The following NPC1 variants were observed in gnomAD, a reference collection of about 807,000 sequenced individuals.
NPC1 encodes the protein Niemann-Pick C1 protein.
Under a neutral mutation model 140.4 loss-of-function variants are expected in NPC1, and 85 were observed. That is an observed-to-expected ratio of 0.61 (90% confidence interval 0.51 to 0.72). The LOEUF is 0.72. NPC1 is among the 30% of genes least tolerant of loss of function. NPC1 has a pLI of 0.00. For synonymous variants in NPC1, 656 were observed against 624.8 expected, an observed-to-expected ratio of 1.05 and a Z score of -0.74; for missense variants, 1,504 against 1,623.8, an observed-to-expected ratio of 0.93 and a Z score of 1.27.
chr18:23,577,424 G>C (rs531392485), intron 1 of NPC1, among the ~76,000 whole-genome samples: 126 of 150,762 alleles, frequency 8.4e-4, no homozygotes, highest in Middle Eastern at 3.4e-3. Flanking sequence ...GTCCTCACCA[G>C]AGCAGCTAGA....
chr18:23,583,473 T>C (rs1371054966), intron 1 of NPC1, among the ~76,000 whole-genome samples: 1 of 152,068 alleles, frequency 6.6e-6, no homozygotes, highest in Non-Finnish European at 1.5e-5. Context: ...TAATGTAGCA[T>C]GTGAAATGGG....
intron 1 of NPC1, among the ~76,000 whole-genome samples, chr18:23,578,376 C>T (rs2059317475): frequency 6.6e-6 from 1 of 152,214 alleles, no homozygotes; most frequent in African/African-American, 2.4e-5. Context: ...AGAGAATCAG[C>T]TGCATCATGA....
chr18:23,557,007 C>T, intron 7 of NPC1, 110 bp downstream of exon 7: 3 of 916,366 alleles, frequency 3.3e-6, no homozygotes, highest in East Asian at 2.6e-5. Context: ...GCCGTGTCCT[C>T]GGCACTGGCA....
chr18:23,513,305 C>T (rs2057913190), intron 3 of NPC1, among the ~76,000 whole-genome samples: 1 of 152,202 alleles, frequency 6.6e-6, no homozygotes. Context: ...CAGTATTTGT[C>T]CCTTTGTGAC....
chr18:23,517,917 C>G (rs909651676), downstream of NPC1, among the ~76,000 whole-genome samples: 2 of 152,068 alleles, frequency 1.3e-5, no homozygotes, highest in Non-Finnish European at 2.9e-5. Context: ...GGAGTTTCAC[C>G]ATGTTGCCCA....
chr18:23,546,126 G>A (rs1471239796), intron 11 of NPC1, among the ~76,000 whole-genome samples: 1 of 151,798 alleles, frequency 6.6e-6, no homozygotes, highest in African/African-American at 2.4e-5. Flanking sequence ...GAAGGTGCCT[G>A]TAATCCCAGC....
At chr18:23,568,683 G>A in intron 4 of NPC1, 140 bp downstream of exon 4, 2 of 712,712 alleles carry the variant, frequency 2.8e-6, no homozygotes, top group Non-Finnish European at 4.9e-6. Context: ...TAGGATACAA[G>A]CAAAGCAACA....
Position 23,546,974 on chromosome 18 carries a change from TTTC to T in NPC1, c.1757+1029_1757+1031del, listed in dbSNP as rs1353711048. On this transcript the variant is annotated intron_variant, in intron 11 of 24. Transcript: ENST00000269228. ...AAAGCTACTGAATTGTACGCTTTTT[TTTC>T]TTTTTAAATTCTCTTTTTTCTTTTT... Among the ~76,000 whole-genome samples the T allele has an allele frequency of 9.2e-5, 14 of 152,320 alleles. No individual in the cohort carries two copies. The South Asian group carries it at 1.9e-3, about 20-fold the overall frequency.
At chr18:23,582,503 A>T (rs2059368080) in intron 1 of NPC1, among the ~76,000 whole-genome samples, 1 of 152,154 alleles carries the variant, frequency 6.6e-6, no homozygotes, top group South Asian at 2.1e-4. Flanking sequence ...ATATCTTATG[A>T]TCAAAGAATC....
rs192733738 is a variant in NPC1 at position 23,513,102 on chromosome 18, C to T, written c.432-6460G>A. On this transcript the variant is annotated intron_variant, in intron 3 of 3. Transcript: ENST00000591107. ...CTGAATAGCTGGGATTACAGGTGTG[C>T]GCCACCACGCCTGGCTAATTTTTGT... is the stretch of plus-strand genomic sequence containing the variant. 1.1e-4 allele frequency among the ~76,000 whole-genome samples: 16 copies of T among 152,042 alleles called. No individual in the cohort carries two copies. The East Asian group carries it at 2.1e-3, about 20-fold the overall frequency.
chr18:23,549,737 C>T (rs1222479312), intron 10 of NPC1, among the ~76,000 whole-genome samples: 1 of 146,362 alleles, frequency 6.8e-6, no homozygotes, highest in Non-Finnish European at 1.5e-5. Flanking sequence ...ATCTTTTTTT[C>T]ACAACTTTTT....
At chr18:23,507,463 T>A (rs991700127) in intron 3 of NPC1, among the ~76,000 whole-genome samples, 36 of 152,198 alleles carry the variant, frequency 2.4e-4, no homozygotes, top group African/African-American at 8.7e-4. Flanking sequence ...ATGTGAGGTA[T>A]TTTTGGCTAC....
At chr18:23,560,942 G>A (rs777115411) in intron 5 of NPC1, among the ~76,000 whole-genome samples, 2 of 152,108 alleles carry the variant, frequency 1.3e-5, no homozygotes, top group African/African-American at 2.4e-5. Context: ...TCTCTTACTG[G>A]GAGAAACTAT....
chr18:23,563,987 GTTT>G (rs71163619), intron 4 of NPC1, among the ~76,000 whole-genome samples: 9 of 102,600 alleles, frequency 8.8e-5, no homozygotes, highest in East Asian at 7.0e-4. Flanking sequence ...AGTAGTAAGA[GTTT>G]TTTTTTTTTT....
At chr18:23,527,154 CAGG>C (rs1331242369), downstream of NPC1, among the ~76,000 whole-genome samples, 3 of 135,248 alleles carry the variant, frequency 2.2e-5, no homozygotes, top group Non-Finnish European at 3.0e-5. Context: ...GAGGCTGAAG[CAGG>C]AGGATTGCCT....
rs932568903 is a variant in NPC1, at chr18:23,532,301, CT to C, written c.3755-18del. Reference sequence around the variant, plus strand: ...CTGATGGCCCTATGAGAGAGAGAGACTTTTTCTTATTTCTGCAGGAGAAAGG... The same window carrying C: ...CTGATGGCCCTATGAGAGAGAGAGACTTTTCTTATTTCTGCAGGAGAAAGG... On this transcript the variant is annotated intron_variant, in intron 24 of 24. Coordinates refer to ENST00000269228, the MANE Select transcript of NPC1 (RefSeq NM_000271.5). The C allele has an allele frequency of 1.9e-6, 3 of 1,613,476 alleles. No homozygotes were observed. In the African/African-American group the frequency reaches 4.0e-5, roughly 22 times the overall value.
rs745777805 is a variant in NPC1 at position 23,545,064 on chromosome 18, G to T, written c.1843C>A (p.Arg615Ser). 2 of 1,610,672 alleles carry T rather than the reference G, an allele frequency of 1.2e-6. No homozygotes were observed. The highest frequency in any genetic ancestry group is 2.2e-5 in the East Asian group (1 of 44,766). ...AERSIEDELNRESDSDVFTVV... is the reference protein window; with the variant it reads ...AERSIEDELNSESDSDVFTVV... ...GTGAAGACATCACTGTCACTTTCAC[G>T]ATTTAGTTCATCTTCAATACTTCGT... The change falls in exon 12 of 25, where the codon CGT (arginine) becomes AGT (serine). Residue 615 changes from arginine to serine, a missense_variant. By Grantham distance (110) the Arg-to-Ser change is moderately radical. Transcript: ENST00000269228.
At chr18:23,535,023 G>A (rs1405105831) in intron 22 of NPC1, among the ~76,000 whole-genome samples, 1 of 152,130 alleles carries the variant, frequency 6.6e-6, no homozygotes. Context: ...TGGTCGGAGA[G>A]CTCCTGGGGC....
rs2057992168 is a variant in NPC1 at position 23,515,996 on chromosome 18, G to T, written c.432-9354C>A. Reference sequence around the variant, plus strand: ...ATGTCCTGCAGCCTTTTCACTTTAGGGTAAGAGGAAGCCTCCCCTGAAAAA... The same window carrying T: ...ATGTCCTGCAGCCTTTTCACTTTAGTGTAAGAGGAAGCCTCCCCTGAAAAA... On this transcript the variant is annotated intron_variant, in intron 3 of 3. Transcript: ENST00000591107. The T allele has an allele frequency of 1.9e-6, 3 of 1,613,896 alleles. No individual in the cohort carries two copies. The East Asian group carries it at 6.7e-5, about 36-fold the overall frequency.
Sources: gnomAD v4.1 joint callset for allele counts (sites outside exome capture counted in the v4.1 genomes callset) on GRCh38, gnomAD v4.1.1 for gene constraint, MANE v1.5 for transcripts, NCBI Gene and HGNC (gene_info 2026-07-23, HGNC 2026-07-21) for gene names.